Variants in DTHD1 observed in about 807,000 individuals in gnomAD.
The protein encoded by DTHD1 is death domain-containing protein 1.
A neutral mutation model predicts 74.8 loss-of-function variants in DTHD1; 59 were observed. The observed-to-expected ratio is 0.79, with a 90% CI of 0.64 to 0.98. DTHD1 has a LOEUF of 0.98. Ranked by LOEUF, DTHD1 falls within the 50% of genes least tolerant of loss-of-function variation. The pLI is 0.00. For synonymous variants in DTHD1, 365 were observed against 371.1 expected (o/e 0.98, Z 0.19); for missense variants, 1,051 against 1,065.4 (o/e 0.99, Z 0.19).
rs1027474626 is a variant in DTHD1 at position 36,339,145 on chromosome 4, A to G, written c.2374A>G (p.Lys792Glu). 2 of 1,547,848 alleles carry G rather than the reference A, an allele frequency of 1.3e-6. No homozygotes were observed. Among genetic ancestry groups the G allele is most frequent in the African/African-American group, 1.4e-5 (1 of 72,926 alleles). Residue 792 changes from lysine to glutamate, a missense_variant, in exon 9 of 10, where the codon AAA (lysine) becomes GAA (glutamate). Lys to Glu is a moderately conservative substitution (Grantham distance 56, BLOSUM62 1). Coordinates refer to ENST00000639862, the MANE Select transcript of DTHD1 (RefSeq NM_001170700.3). ...ATTAATCAACCGTCCACAGAGTACC[A>G]AAAGAGTTTCTAAGGATCCTGTAGG... Reference protein sequence around the residue: ...KKLINRPQSTKRVSKDPVEAL... With the variant: ...KKLINRPQSTERVSKDPVEAL...
chr4:36,313,024 C>T (rs1315454942), intron 7 of DTHD1, among the ~76,000 whole-genome samples: 3 of 152,088 alleles, frequency 2.0e-5, no homozygotes, highest in African/African-American at 7.2e-5. Flanking sequence ...ATACACTGAG[C>T]CAGTGGTTCT....
chr4:36,284,735 C>A, intron 2 of DTHD1, 144 bp downstream of exon 2: 1 of 740,402 alleles, frequency 1.4e-6, no homozygotes, highest in African/African-American at 1.8e-5. Flanking sequence ...ATTTATCTCT[C>A]ACAGTTCTGG....
chr4:36,322,004 C>A (rs1365299380), intron 8 of DTHD1, among the ~76,000 whole-genome samples: 1 of 147,884 alleles, frequency 6.8e-6, no homozygotes, highest in East Asian at 1.9e-4. Flanking sequence ...TTACCCTTAC[C>A]TCCTTCAGTT....
intron 8 of DTHD1, among the ~76,000 whole-genome samples, chr4:36,317,181 G>A (rs1757787078): frequency 6.6e-6 from 1 of 152,144 alleles, no homozygotes; most frequent in South Asian, 2.1e-4. Flanking sequence ...ATGACTAGCA[G>A]GAATGTGTTT....
intron 8 of DTHD1, among the ~76,000 whole-genome samples, chr4:36,321,708 G>A (rs1758046270): frequency 6.6e-6 from 1 of 152,150 alleles, no homozygotes; most frequent in Non-Finnish European, 1.5e-5. Context: ...ACTGGTTCCT[G>A]GTGGCAAAAT....
chr4:36,312,124 A>G lies in DTHD1; in HGVS notation c.2095+3631A>G, dbSNP rs1234660558. Among the ~76,000 whole-genome samples the G allele has an allele frequency of 3.3e-5, 5 of 152,108 alleles. No individual in the cohort carries two copies. The East Asian group carries it at 9.6e-4, about 29-fold the overall frequency. ...TTCTCTAGGTTAGAGTTGTCAGTTT[A>G]GCACTTGGATTATTGCATGTTATTC... On this transcript the variant is annotated intron_variant, in intron 7 of 9. Coordinates refer to ENST00000639862, the MANE Select transcript of DTHD1 (RefSeq NM_001170700.3).
chr4:36,313,578 A>G (rs1481116275), intron 7 of DTHD1, among the ~76,000 whole-genome samples: 1 of 152,230 alleles, frequency 6.6e-6, no homozygotes, highest in Admixed American at 6.5e-5. Flanking sequence ...TCTGTTTACA[A>G]CATGAAGATT....
chr4:36,301,409 T>G (rs1367039550), intron 5 of DTHD1, among the ~76,000 whole-genome samples: 1 of 152,038 alleles, frequency 6.6e-6, no homozygotes, highest in African/African-American at 2.4e-5. Flanking sequence ...TATCTTAGGA[T>G]ATAAAACTCC....
rs149774893 is a variant in DTHD1 at position 36,290,691 on chromosome 4, G to C, written c.1206G>C (p.Lys402Asn). 268 of 1,539,636 alleles carry C rather than the reference G, an allele frequency of 1.7e-4. No homozygotes were observed. The African/African-American group carries it at 3.0e-3, about 17-fold the overall frequency. The part of the protein sequence containing the change: ...YLNPNSLEGM[K>N]GGYKGTCASV... ...ACCCAAATTCACTAGAAGGAATGAA[G>C]GGAGGTTATAAGGTTAGTAAATTCT... is the stretch of plus-strand genomic sequence containing the variant. Residue 402 changes from lysine (K) to asparagine (N), a missense_variant, in exon 3 of 10, where the codon AAG becomes AAC. Physicochemically the swap from Lys to Asn is moderately conservative, Grantham distance 94. Transcript: ENST00000639862.
intron 8 of DTHD1, among the ~76,000 whole-genome samples, chr4:36,328,935 T>C (rs1578485598): frequency 6.6e-6 from 1 of 152,368 alleles, no homozygotes; most frequent in Admixed American, 6.5e-5. Context: ...ATGTAGGCCC[T>C]GTCATTTGTA....
intron 8 of DTHD1, among the ~76,000 whole-genome samples, chr4:36,318,749 G>A (rs1305627259): frequency 6.6e-6 from 1 of 151,756 alleles, no homozygotes; most frequent in Non-Finnish European, 1.5e-5. Flanking sequence ...CGAGTAGCTG[G>A]GACTACAGGC....
At chr4:36,290,724 A>G (rs1402422040) in intron 3 of DTHD1, 21 bp downstream of exon 3, 2 of 1,510,018 alleles carry the variant, frequency 1.3e-6, no homozygotes, top group Non-Finnish European at 1.8e-6. Flanking sequence ...TCTTGGCTAT[A>G]TCTACATTTG....
intron 8 of DTHD1, chr4:36,332,923 A>G (rs1045637911): frequency 6.6e-6 from 1 of 152,184 alleles, no homozygotes; most frequent in Admixed American, 6.5e-5. Flanking sequence ...CACATGCCTC[A>G]TAAGTGTGCA....
intron 8 of DTHD1, among the ~76,000 whole-genome samples, chr4:36,336,750 G>A (rs1003874715): frequency 2.0e-5 from 3 of 152,212 alleles, no homozygotes; most frequent in Non-Finnish European, 4.4e-5. Context: ...GAAGTGCCTG[G>A]TGGCAAAGGG....
At chr4:36,342,181 G>A (rs1397092178) in intron 9 of DTHD1, among the ~76,000 whole-genome samples, 2 of 152,194 alleles carry the variant, frequency 1.3e-5, no homozygotes, top group African/African-American at 2.4e-5. Flanking sequence ...AGCCTGCCCA[G>A]ATAACATGGA....
rs536272239 is a variant in DTHD1 at position 36,308,227 on chromosome 4, C to T, written c.1829C>T (p.Ser610Phe). The T allele has an allele frequency of 1.9e-6, 3 of 1,552,298 alleles. No homozygotes were observed. Among genetic ancestry groups the T allele is most frequent in the African/African-American group, 1.4e-5 (1 of 73,176 alleles). ...AGGTTTATTGTACTTCACCTCTCTT[C>T]CACCATGGACAATAGTCATTTGGTT... Reference protein sequence around the residue: ...LERFIVLHLSSTMDNSHLVTF... With the variant: ...LERFIVLHLSFTMDNSHLVTF... The change falls in exon 7 of 10, where the codon TCC becomes TTC. Residue 610 changes from serine to phenylalanine, a missense_variant. By Grantham distance (155) the Ser-to-Phe change is radical. Coordinates refer to ENST00000639862, the MANE Select transcript of DTHD1 (RefSeq NM_001170700.3).
At chr4:36,333,033 T>C (rs1215543005) in intron 8 of DTHD1, among the ~76,000 whole-genome samples, 1 of 152,118 alleles carries the variant, frequency 6.6e-6, no homozygotes, top group Non-Finnish European at 1.5e-5. Context: ...ATATGAGATA[T>C]GACTTGACAG....
In DTHD1 at chr4:36,302,220, G is replaced by A. The variant is rs148656016; in HGVS notation, c.1644-3971G>A. ...ACGAGGGCATTGCATCAGATCATGGGGGATCTTCCGTTTTCAATAGCAGTG... is the reference window on the plus strand; with the variant it reads ...ACGAGGGCATTGCATCAGATCATGGAGGATCTTCCGTTTTCAATAGCAGTG... On this transcript the variant is annotated intron_variant, in intron 5 of 9. Transcript: ENST00000639862. Among the ~76,000 whole-genome samples the A allele has an allele frequency of 1.6e-3, 237 of 152,288 alleles. 1 individual carries two copies. The highest frequency in any genetic ancestry group is 5.5e-3 in the African/African-American group (228 of 41,556).
intron 1 of DTHD1, among the ~76,000 whole-genome samples, chr4:36,282,378 A>T (rs1755451290): frequency 6.6e-6 from 1 of 152,318 alleles, no homozygotes; most frequent in South Asian, 2.1e-4. Context: ...CGGTAATTTT[A>T]GTAGGATCCA....
Sources: gnomAD v4.1 joint callset for allele counts (sites outside exome capture counted in the v4.1 genomes callset) on GRCh38, gnomAD v4.1.1 for gene constraint, MANE v1.5 for transcripts, NCBI Gene and HGNC (gene_info 2026-07-23, HGNC 2026-07-21) for gene names.